The following RARB variants were observed in gnomAD, a reference collection of about 807,000 sequenced individuals.
RARB encodes HBV-activated protein.
Under a neutral mutation model 51.9 loss-of-function variants are expected in RARB, and 17 were observed. The observed-to-expected ratio is 0.33, with a 90% CI of 0.22 to 0.49. The LOEUF is 0.49. RARB is among the 20% of genes least tolerant of loss of function. The probability of loss-of-function intolerance (pLI) is 0.99; values close to 1 mark genes in which losing one functional copy is unlikely to be tolerated. For synonymous variants in RARB, 215 were observed against 195.4 expected (o/e 1.10, Z -0.84); for missense variants, 369 against 550.8 (o/e 0.67, Z 3.30).
chr3:25,020,412 TG>T (rs1247561616), intron 2 of RARB: 1 of 152,132 alleles, frequency 6.6e-6, no homozygotes, highest in Non-Finnish European at 1.5e-5. Context: ...GCGATCCTCC[TG>T]TCTCAGCCTG....
At chr3:24,935,771 G>A (rs1695535970) in intron 2 of RARB, among the ~76,000 whole-genome samples, 1 of 152,124 alleles carries the variant, frequency 6.6e-6, no homozygotes, top group South Asian at 2.1e-4. Context: ...ACTTGCTCAT[G>A]TGATTACTCT....
In RARB at chr3:25,277,377, A is replaced by G. The variant is rs571739987; in HGVS notation, c.178+102802A>G. Among the ~76,000 whole-genome samples the G allele has an allele frequency of 2.0e-5, 3 of 152,306 alleles. No homozygotes were observed. In the South Asian group the frequency reaches 6.2e-4, roughly 32 times the overall value. ...GAGCTCCAAAGAACTCCAGTGAATCACTATTAAAATAAGCTGCTCACTTGC... is the reference window on the plus strand; with the variant it reads ...GAGCTCCAAAGAACTCCAGTGAATCGCTATTAAAATAAGCTGCTCACTTGC... On this transcript the variant is annotated intron_variant, in intron 5 of 11. Coordinates refer to the RARB transcript ENST00000383772.
At chr3:25,480,891 A>G (rs1243803422) in intron 2 of RARB, among the ~76,000 whole-genome samples, 1 of 152,144 alleles carries the variant, frequency 6.6e-6, no homozygotes, top group African/African-American at 2.4e-5. Context: ...AATCACCTGG[A>G]TGGCTTGTCA....
intron 5 of RARB, among the ~76,000 whole-genome samples, chr3:25,350,258 C>T (rs979395412): frequency 1.1e-4 from 16 of 152,064 alleles, no homozygotes; most frequent in Non-Finnish European, 4.4e-5. Flanking sequence ...CCAAAGCAAC[C>T]GCCTACTGAA....
chr3:25,591,844 G>C (rs1379706960), intron 5 of RARB, among the ~76,000 whole-genome samples: 2 of 152,132 alleles, frequency 1.3e-5, no homozygotes, highest in Non-Finnish European at 2.9e-5. Context: ...CCTTATCCAC[G>C]CTGGAGTCCT....
chr3:25,430,671 A>G (rs370567765), intron 1 of RARB, among the ~76,000 whole-genome samples: 5 of 152,198 alleles, frequency 3.3e-5, no homozygotes, highest in African/African-American at 9.7e-5. Context: ...TTCGCCTAAA[A>G]CTACCCGATA....
chr3:25,282,489 A>G (rs994615822), intron 5 of RARB, among the ~76,000 whole-genome samples: 3 of 150,640 alleles, frequency 2.0e-5, no homozygotes, highest in Non-Finnish European at 4.5e-5. Flanking sequence ...ACTTTTTATG[A>G]TACAAAATAC....
intron 2 of RARB, among the ~76,000 whole-genome samples, chr3:24,980,381 A>T (rs78724782): frequency 1.3e-5 from 2 of 152,042 alleles, no homozygotes; most frequent in African/African-American, 4.8e-5. Flanking sequence ...ACTTGGTTCC[A>T]TTCTCCCTCT....
chr3:25,056,105 G>C (rs1489632338), intron 2 of RARB, among the ~76,000 whole-genome samples: 1 of 152,122 alleles, frequency 6.6e-6, no homozygotes, highest in Non-Finnish European at 1.5e-5. Flanking sequence ...CCAATGTGCA[G>C]GGAGAGGTTT....
At chr3:25,212,523 C>A (rs1358865358) in intron 5 of RARB, among the ~76,000 whole-genome samples, 1 of 152,178 alleles carries the variant, frequency 6.6e-6, no homozygotes, top group Admixed American at 6.5e-5. Flanking sequence ...GAGGCTGAGG[C>A]AGAAGGATCG....
chr3:24,986,573 G>A (rs894310440), intron 2 of RARB, among the ~76,000 whole-genome samples: 2 of 152,192 alleles, frequency 1.3e-5, no homozygotes, highest in Non-Finnish European at 2.9e-5. Context: ...TTGTGTCGCT[G>A]AAATTTAATT....
At chr3:25,158,091 C>T (rs1331501114) in intron 4 of RARB, among the ~76,000 whole-genome samples, 4 of 152,224 alleles carry the variant, frequency 2.6e-5, no homozygotes, top group Non-Finnish European at 4.4e-5. Context: ...ACATAATTTC[C>T]GACCCAAACA....
chr3:25,325,459 A>G (rs182041957), intron 5 of RARB, among the ~76,000 whole-genome samples: 3 of 152,160 alleles, frequency 2.0e-5, no homozygotes, highest in Admixed American at 1.3e-4. Flanking sequence ...GCAGCCCAGT[A>G]GCTCTCAGCC....
At chr3:25,214,156 AG>A (rs1315295795) in intron 5 of RARB, among the ~76,000 whole-genome samples, 2 of 152,178 alleles carry the variant, frequency 1.3e-5, no homozygotes, top group African/African-American at 4.8e-5. Flanking sequence ...GCATTTTGAA[AG>A]TTTGAAACTC....
At chr3:24,842,144 A>G (rs370535237) in intron 1 of RARB, among the ~76,000 whole-genome samples, 4 of 152,298 alleles carry the variant, frequency 2.6e-5, no homozygotes, top group African/African-American at 9.6e-5. Flanking sequence ...ACTGCCCAAG[A>G]CAGGCTACAG....
At chr3:25,146,139 C>G (rs1214122349) in intron 4 of RARB, among the ~76,000 whole-genome samples, 2 of 152,194 alleles carry the variant, frequency 1.3e-5, no homozygotes, top group Admixed American at 1.3e-4. Context: ...CTTGACCTCT[C>G]AGATATTTGG....
intron 1 of RARB, among the ~76,000 whole-genome samples, chr3:24,857,234 C>G (rs1702651096): frequency 2.6e-5 from 4 of 152,210 alleles, no homozygotes; most frequent in African/African-American, 9.6e-5. Context: ...CTTCACACCT[C>G]TCATTCCTCA....
intron 5 of RARB, among the ~76,000 whole-genome samples, chr3:25,401,335 T>G (rs1227098153): frequency 2.0e-5 from 3 of 152,202 alleles, no homozygotes; most frequent in Non-Finnish European, 2.9e-5. Flanking sequence ...GGGTGAAGCC[T>G]CTCTGAAGAA....
chr3:25,484,605 A>G lies in RARB; in HGVS notation c.307-16577A>G, dbSNP rs531782164. 3.3e-5 allele frequency among the ~76,000 whole-genome samples: 5 copies of G among 152,244 alleles called. No homozygotes were observed. In the East Asian group the frequency reaches 7.7e-4, roughly 24 times the overall value. On this transcript the variant is annotated intron_variant, in intron 2 of 7. Coordinates refer to ENST00000330688, the MANE Select transcript of RARB (RefSeq NM_000965.5). ...AAAAAAATTAATATAACATATGAAA[A>G]TTATATGAAATTCAATTTCAGTGTT...
Sources: gnomAD v4.1 joint callset for allele counts (sites outside exome capture counted in the v4.1 genomes callset) on GRCh38, gnomAD v4.1.1 for gene constraint, MANE v1.5 for transcripts, NCBI Gene and HGNC (gene_info 2026-07-23, HGNC 2026-07-21) for gene names.